COL23A1: variants seen among roughly 807,000 people sequenced by gnomAD.
COL23A1 encodes collagen alpha-1(XXIII) chain.
A neutral mutation model predicts 99.3 loss-of-function variants in COL23A1; 97 were observed. The observed-to-expected ratio is 0.98, with a 90% confidence interval of 0.83 to 1.16. COL23A1 has a LOEUF of 1.16. Among genes scored for constraint, COL23A1 ranks in the 50% most tolerant of loss-of-function variants. The pLI, the probability that COL23A1 is intolerant of heterozygous loss-of-function variation, is 0.00. For missense variants in COL23A1, 762 were observed against 757.4 expected, an observed-to-expected ratio of 1.01 and a Z score of -0.07; for synonymous variants, 320 against 308.2, an observed-to-expected ratio of 1.04 and a Z score of -0.40.
At chr5:178,487,350 G>A (rs1258531564) in intron 2 of COL23A1, among the ~76,000 whole-genome samples, 8 of 149,596 alleles carry the variant, frequency 5.3e-5, no homozygotes, top group Middle Eastern at 3.4e-3. Context: ...AAGGAGTTTC[G>A]CTCTTGTTGC....
Position 178,308,208 on chromosome 5 carries a change from C to T in COL23A1, c.362-1289G>A, listed in dbSNP as rs1056149858. On this transcript the variant is annotated intron_variant, in intron 2 of 28. Coordinates refer to ENST00000390654, the MANE Select transcript of COL23A1 (RefSeq NM_173465.4). This position sits in a 1 kb window ranked among gnomAD's most constrained non-coding sequence, Gnocchi z 5.1. The stretch of plus-strand genomic sequence containing the variant: ...GGGAGGGCCAGTCTCTGAGAAACAG[C>T]GAGAGAGAAGAGATCCCTTCAGGTG... Among the ~76,000 whole-genome samples the T allele has an allele frequency of 3.9e-5, 6 of 152,036 alleles. No individual in the cohort carries two copies. Among genetic ancestry groups the T allele is most frequent in the African/African-American group, 1.4e-4 (6 of 41,450 alleles).
At position 178,468,482 on chromosome 5, in the gene COL23A1, G is replaced by A. The variant is rs577270743; in HGVS notation, c.361+92200C>T. ...GGGCTAGACACTGCCTGCAGGGCAC[G>A]AGATGATTATTTCGTTTCATCCTCA... is the stretch of plus-strand genomic sequence containing the variant. On this transcript the variant is annotated intron_variant, in intron 2 of 28. Transcript: ENST00000390654. The surrounding 1 kb of genome is among the most constrained non-coding windows in gnomAD (Gnocchi z 4.2). 1.5e-4 allele frequency among the ~76,000 whole-genome samples: 23 copies of A among 152,232 alleles called. No homozygotes were observed. Among genetic ancestry groups the A allele is most frequent in the African/African-American group, 2.2e-4 (9 of 41,526 alleles).
At chr5:178,286,899 C>T (rs1051799539) in intron 5 of COL23A1, among the ~76,000 whole-genome samples, 1 of 151,182 alleles carries the variant, frequency 6.6e-6, no homozygotes, top group African/African-American at 2.4e-5. Flanking sequence ...GGAAACCACT[C>T]ATCTACACCC....
At chr5:178,253,257 C>T (rs542344563) in intron 16 of COL23A1, among the ~76,000 whole-genome samples, 1 of 151,592 alleles carries the variant, frequency 6.6e-6, no homozygotes, top group South Asian at 2.1e-4. Flanking sequence ...CTGCCCCACC[C>T]CTGCCCCGGA....
chr5:178,349,146 TG>T (rs1380521238), intron 2 of COL23A1, among the ~76,000 whole-genome samples: 1 of 152,052 alleles, frequency 6.6e-6, no homozygotes, highest in Non-Finnish European at 1.5e-5. Context: ...AGAAAAACAT[TG>T]TTACCAGCCC....
chr5:178,526,825 T>C (rs545386561), intron 2 of COL23A1, among the ~76,000 whole-genome samples: 60 of 152,320 alleles, frequency 3.9e-4, no homozygotes, highest in African/African-American at 1.4e-3. Flanking sequence ...GCTCCATAAA[T>C]GGCAGCTGTA....
chr5:178,471,590 A>G (rs1393303213), intron 2 of COL23A1, among the ~76,000 whole-genome samples: 2 of 152,102 alleles, frequency 1.3e-5, no homozygotes, highest in Non-Finnish European at 2.9e-5. Context: ...CTTGCTGGCC[A>G]GGGAGAGACT....
intron 2 of COL23A1, among the ~76,000 whole-genome samples, chr5:178,521,824 T>C (rs557510292): frequency 6.9e-4 from 105 of 152,258 alleles, no homozygotes; most frequent in African/African-American, 2.5e-3. Flanking sequence ...ACAAAGCAGT[T>C]AAGAAGTTAC....
chr5:178,582,934 C>T lies in COL23A1; in HGVS notation c.294+6970G>A, dbSNP rs1350225745. On this transcript the variant is annotated intron_variant, in intron 1 of 28. Transcript: ENST00000390654. ...TCCCAGACTGAGTGCCAAACCCACA[C>T]ACAGGGTTCGCAGACATTCGTCCCT... 1.3e-5 allele frequency among the ~76,000 whole-genome samples: 2 copies of T among 152,232 alleles called. 1 individual carries two copies. The highest frequency in any genetic ancestry group is 1.3e-4 in the Admixed American group (2 of 15,288).
chr5:178,524,817 A>C (rs1208230645), intron 2 of COL23A1, among the ~76,000 whole-genome samples: 1 of 152,220 alleles, frequency 6.6e-6, no homozygotes, highest in Non-Finnish European at 1.5e-5. Flanking sequence ...AGACCCACAG[A>C]TCACTCACTC....
intron 2 of COL23A1, among the ~76,000 whole-genome samples, chr5:178,409,015 C>T (rs1418022062): frequency 7.3e-6 from 1 of 136,794 alleles, no homozygotes; most frequent in Admixed American, 7.7e-5. Flanking sequence ...CACACACACA[C>T]ACACACATCA....
At chr5:178,420,252 G>A (rs931584698) in intron 2 of COL23A1, among the ~76,000 whole-genome samples, 2 of 152,020 alleles carry the variant, frequency 1.3e-5, no homozygotes, top group Non-Finnish European at 2.9e-5. Flanking sequence ...GCACTTCCGT[G>A]GGGCTGCCAA....
At chr5:178,368,028 G>A (rs1762585470) in intron 2 of COL23A1, among the ~76,000 whole-genome samples, 1 of 152,208 alleles carries the variant, frequency 6.6e-6, no homozygotes, top group African/African-American at 2.4e-5. Context: ...GCGCATGGAG[G>A]GGCAGGGAAG....
chr5:178,386,604 G>C (rs1400305641), intron 2 of COL23A1, among the ~76,000 whole-genome samples: 1 of 152,086 alleles, frequency 6.6e-6, no homozygotes, highest in Non-Finnish European at 1.5e-5. Flanking sequence ...GGGTGGGTGA[G>C]TGTTTGATAA....
chr5:178,286,946 C>A (rs1365272030), intron 5 of COL23A1, among the ~76,000 whole-genome samples: 1 of 152,224 alleles, frequency 6.6e-6, no homozygotes, highest in South Asian at 2.1e-4. Flanking sequence ...TACAGAGTAA[C>A]CCGGGGTGAA....
Position 178,357,560 on chromosome 5 carries a change from A to G in COL23A1, c.362-50641T>C, listed in dbSNP as rs376012800. Among the ~76,000 whole-genome samples, 111 of 152,352 alleles carry G rather than the reference A, an allele frequency of 7.3e-4. No individual in the cohort carries two copies. The South Asian group carries it at 0.018, about 25-fold the overall frequency. ...TTTGGAATCTGCTCTGAATGATACC[A>G]AGAGGCAGGCGGCCTCCAGGGGCCA... On this transcript the variant is annotated intron_variant, in intron 2 of 28. Transcript: ENST00000390654.
intron 2 of COL23A1, among the ~76,000 whole-genome samples, chr5:178,314,631 AAC>A (rs1319951179): frequency 6.6e-6 from 1 of 152,206 alleles, no homozygotes; most frequent in Admixed American, 6.5e-5. Context: ...AGCGGCCTGC[AAC>A]AGTGTTTAAT....
At chr5:178,450,552 C>T (rs564794815) in intron 2 of COL23A1, among the ~76,000 whole-genome samples, 15 of 152,180 alleles carry the variant, frequency 9.9e-5, no homozygotes, top group Admixed American at 8.5e-4. Context: ...GCCGCTACAC[C>T]GGTGTCTGTG....
rs1758407525 is a variant in COL23A1 at position 178,307,226 on chromosome 5, C to T, written c.362-307G>A. Among the ~76,000 whole-genome samples, 1 of 152,230 alleles carries T rather than the reference C, an allele frequency of 6.6e-6. No individual in the cohort carries two copies. Among genetic ancestry groups the T allele is most frequent in the African/African-American group, 2.4e-5 (1 of 41,456 alleles). ...AAGCCCTCCCCTAATCACAAAGATTCCCATGGGAGGCTCCTGAGGCAGATG... is the reference window on the plus strand; with the variant it reads ...AAGCCCTCCCCTAATCACAAAGATTTCCATGGGAGGCTCCTGAGGCAGATG... On this transcript the variant is annotated intron_variant, in intron 2 of 28. Transcript: ENST00000390654. The surrounding 1 kb of genome is among the most constrained non-coding windows in gnomAD (Gnocchi z 4.2).
Sources: allele counts gnomAD v4.1 joint callset (sites outside exome capture counted in the v4.1 genomes callset), GRCh38; gene constraint gnomAD v4.1.1; non-coding constraint Gnocchi (gnomAD v3.1); transcripts MANE v1.5; gene names NCBI Gene and HGNC (gene_info 2026-07-23, HGNC 2026-07-21).